NWD2: variants seen among roughly 807,000 people sequenced by gnomAD.
The protein encoded by NWD2 is NACHT and WD repeat domain containing 2, also known as NACHT and WD repeat domain-containing protein 2.
Under a neutral mutation model 132.7 loss-of-function variants are expected in NWD2, and 37 were observed. That is an observed-to-expected ratio of 0.28 (90% confidence interval 0.21 to 0.37). NWD2 has a LOEUF of 0.37. Ranked by LOEUF, NWD2 falls within the 10% of genes least tolerant of loss-of-function variation. NWD2 has a pLI of 1.00. For synonymous variants in NWD2, 705 were observed against 803.0 expected, an observed-to-expected ratio of 0.88 and a Z score of 2.06; for missense variants, 1,592 against 2,122.4, an observed-to-expected ratio of 0.75 and a Z score of 4.91.
At chr4:37,301,071 G>A (rs1718602926) in intron 1 of NWD2, among the ~76,000 whole-genome samples, 1 of 152,022 alleles carries the variant, frequency 6.6e-6, no homozygotes, top group Non-Finnish European at 1.5e-5. Context: ...GTCCTCTTTT[G>A]ACCTTTTTTT....
intron 1 of NWD2, among the ~76,000 whole-genome samples, chr4:37,284,730 G>A (rs539721829): frequency 1.3e-5 from 2 of 152,198 alleles, no homozygotes; most frequent in Non-Finnish European, 2.9e-5. Flanking sequence ...CAAACACAGT[G>A]AGTATCTAGT....
intron 1 of NWD2, among the ~76,000 whole-genome samples, chr4:37,315,627 G>C (rs1194880487): frequency 6.6e-6 from 1 of 151,838 alleles, no homozygotes; most frequent in Non-Finnish European, 1.5e-5. Flanking sequence ...ATATTGTTTT[G>C]TTATCTAGCC....
At chr4:37,414,214 T>A (rs1037616861) in intron 3 of NWD2, among the ~76,000 whole-genome samples, 3 of 152,196 alleles carry the variant, frequency 2.0e-5, no homozygotes, top group African/African-American at 7.2e-5. Flanking sequence ...AAATTCATGA[T>A]GAAGGAATTT....
chr4:37,412,211 G>A (rs1184318202), intron 3 of NWD2, among the ~76,000 whole-genome samples: 1 of 152,120 alleles, frequency 6.6e-6, no homozygotes, highest in Non-Finnish European at 1.5e-5. Flanking sequence ...GTTTGCAGAT[G>A]GCATGATTGT....
Position 37,364,070 on chromosome 4 carries a change from G to A in NWD2, c.357+7588G>A, listed in dbSNP as rs979877904. On this transcript the variant is annotated intron_variant, in intron 3 of 6. Coordinates refer to ENST00000309447, the MANE Select transcript of NWD2 (RefSeq NM_001144990.2). ...TTGCTTGAACCAGGATCCAGGAGGC[G>A]GAGGTTGCAGTGAGCCAAGATCACA... Among the ~76,000 whole-genome samples, 18 of 152,096 alleles carry A rather than the reference G, an allele frequency of 1.2e-4. No individual in the cohort carries two copies. The East Asian group carries it at 1.4e-3, about 11-fold the overall frequency.
rs1719310049 is a variant in NWD2, at chr4:37,332,262, C to G, written c.240+6238C>G. ...CAACCCCAGGCAGTGCAGCTCACGG[C>G]TCTGGGAGAGACACTCCTTCCTTCC... On this transcript the variant is annotated intron_variant, in intron 2 of 6. Transcript: ENST00000309447. Among the ~76,000 whole-genome samples the G allele has an allele frequency of 2.6e-5, 4 of 152,122 alleles. No homozygotes were observed. The South Asian group carries it at 8.3e-4, about 32-fold the overall frequency.
intron 3 of NWD2, among the ~76,000 whole-genome samples, chr4:37,397,776 C>T (rs917752886): frequency 1.3e-5 from 2 of 152,020 alleles, no homozygotes; most frequent in African/African-American, 2.4e-5. Flanking sequence ...CAACTTGTTA[C>T]CCTGGGAACA....
chr4:37,355,776 T>C, intron 2 of NWD2, among the ~76,000 whole-genome samples: 1 of 152,184 alleles, frequency 6.6e-6, no homozygotes, highest in East Asian at 1.9e-4. Flanking sequence ...CTGTAAGGCA[T>C]ACCTTTCATT....
intron 1 of NWD2, among the ~76,000 whole-genome samples, chr4:37,262,884 A>G (rs964254889): frequency 2.0e-5 from 3 of 152,164 alleles, no homozygotes; most frequent in Non-Finnish European, 4.4e-5. Context: ...GCTTCTTGAT[A>G]TAGCCCCAGG....
intron 3 of NWD2, among the ~76,000 whole-genome samples, chr4:37,404,406 A>T (rs1312378102): frequency 6.6e-6 from 1 of 152,118 alleles, no homozygotes; most frequent in Non-Finnish European, 1.5e-5. Context: ...TCCCACCCTC[A>T]TCCCAATATG....
At chr4:37,276,855 A>G (rs764720197) in intron 1 of NWD2, among the ~76,000 whole-genome samples, 1 of 152,054 alleles carries the variant, frequency 6.6e-6, no homozygotes, top group Non-Finnish European at 1.5e-5. Context: ...GAAGCTGGAA[A>G]CCATCATTCT....
chr4:37,272,766 TC>T (rs1717898450), intron 1 of NWD2, among the ~76,000 whole-genome samples: 1 of 151,814 alleles, frequency 6.6e-6, no homozygotes, highest in Non-Finnish European at 1.5e-5. Context: ...TTCATTGCTT[TC>T]TTTCTTGTTT....
rs1409797029 is a variant in NWD2 at position 37,376,457 on chromosome 4, T to C, written c.357+19975T>C. Among the ~76,000 whole-genome samples, 6 of 152,226 alleles carry C rather than the reference T, an allele frequency of 3.9e-5. No homozygotes were observed. In the East Asian group the frequency reaches 1.2e-3, roughly 29 times the overall value. On this transcript the variant is annotated intron_variant, in intron 3 of 6. Transcript: ENST00000309447. ...GCCTCAGAGAAAGCAACAGAGCTAA[T>C]GGTTAAGAACACAGACTCTCTTTTT...
chr4:37,377,320 C>G (rs1171017155), intron 3 of NWD2, among the ~76,000 whole-genome samples: 1 of 152,184 alleles, frequency 6.6e-6, no homozygotes. Context: ...GAAAATATAA[C>G]TCAATGTTTA....
chr4:37,433,845 A>G, intron 4 of NWD2, 31 bp from the exon 5 acceptor site: 1 of 1,487,818 alleles, frequency 6.7e-7, no homozygotes, highest in South Asian at 1.4e-5. Flanking sequence ...GATGATTGTA[A>G]GACTAATTTC....
At chr4:37,280,710 T>C (rs1258652201) in intron 1 of NWD2, among the ~76,000 whole-genome samples, 3 of 151,896 alleles carry the variant, frequency 2.0e-5, no homozygotes, top group Admixed American at 2.0e-4. Context: ...CTGAGAGGAA[T>C]AGAAAGAAAT....
At chr4:37,277,329 G>T (rs960195857) in intron 1 of NWD2, among the ~76,000 whole-genome samples, 1 of 151,646 alleles carries the variant, frequency 6.6e-6, no homozygotes, top group East Asian at 1.9e-4. Context: ...AATTTGGAAC[G>T]TTTTAGCTGT....
chr4:37,443,654 C>T lies in NWD2; in HGVS notation c.1666C>T (p.Leu556=). 1.3e-6 allele frequency: 2 copies of T among 1,552,128 alleles called. No homozygotes were observed. The highest frequency in any genetic ancestry group is 2.4e-5 in the East Asian group (1 of 40,914). ...CAACAAACATGGGATCTTGCAGAAA[C>T]TAAGGTGCCTTATCCATGAAGAAGA... ...LPNKHGILQK[L]RCLIHEEDNY... The change falls in exon 7 of 7, where the codon CTA becomes TTA. Residue 556 remains leucine (L), a synonymous_variant. Transcript: ENST00000309447. The surrounding 1 kb of genome is among the most constrained non-coding windows in gnomAD (Gnocchi z 4.1).
At chr4:37,379,474 T>C in intron 3 of NWD2, among the ~76,000 whole-genome samples, 1 of 152,166 alleles carries the variant, frequency 6.6e-6, no homozygotes, top group Non-Finnish European at 1.5e-5. Context: ...GTACATTCCC[T>C]TTTGTGTCAT....
Sources: allele counts gnomAD v4.1 joint callset (sites outside exome capture counted in the v4.1 genomes callset), GRCh38; gene constraint gnomAD v4.1.1; non-coding constraint Gnocchi (gnomAD v3.1); transcripts MANE v1.5; gene names NCBI Gene and HGNC (gene_info 2026-07-23, HGNC 2026-07-21).